The following SAMD5 variants were observed in gnomAD, a reference collection of about 807,000 sequenced individuals.
SAMD5 encodes sterile alpha motif domain containing 5.
Under a neutral mutation model 11.3 loss-of-function variants are expected in SAMD5, and 13 were observed. That is an observed-to-expected ratio of 1.15 (90% CI 0.75 to 1.83). The LOEUF (loss-of-function observed/expected upper bound fraction) is 1.83, where lower values mean the gene tolerates loss of function less well. SAMD5 is among the 40% of genes most tolerant of loss of function. SAMD5 has a pLI of 0.00. For synonymous variants in SAMD5, 129 were observed against 111.3 expected, an observed-to-expected ratio of 1.16 and a Z score of -1.00; for missense variants, 255 against 239.1, an observed-to-expected ratio of 1.07 and a Z score of -0.44.
At chr6:147,768,354 C>T in the SAMD5 span, among the ~76,000 whole-genome samples, 18 of 151,902 alleles carry the variant, frequency 1.2e-4, no homozygotes, top group African/African-American at 3.1e-4. Flanking sequence ...AAAAATTAGC[C>T]GGGCGTGGTA....
intron 1 of SAMD5, among the ~76,000 whole-genome samples, chr6:147,627,517 AT>A (rs1342401921): frequency 1.3e-5 from 2 of 152,156 alleles, no homozygotes; most frequent in African/African-American, 2.4e-5. Flanking sequence ...GCAATAAATT[AT>A]TTTTTGATTG....
At chr6:147,822,897 C>G in the SAMD5 span, among the ~76,000 whole-genome samples, 134 of 152,316 alleles carry the variant, frequency 8.8e-4, 3 homozygotes, top group Admixed American at 7.8e-3. Context: ...TCACCGCAAC[C>G]TCCACCTCCT....
intron 1 of SAMD5, among the ~76,000 whole-genome samples, chr6:147,510,486 A>G (rs969913800): frequency 6.6e-6 from 1 of 152,208 alleles, no homozygotes; most frequent in Non-Finnish European, 1.5e-5. Context: ...GATGGCAAAC[A>G]TACTCAGCTG....
chr6:147,935,542 A>G, the SAMD5 span, among the ~76,000 whole-genome samples: 1 of 152,178 alleles, frequency 6.6e-6, no homozygotes, highest in African/African-American at 2.4e-5. Flanking sequence ...CATCATACGA[A>G]TTGGCCTCTT....
At chr6:147,590,633 G>A (rs566608141) in intron 1 of SAMD5, among the ~76,000 whole-genome samples, 2 of 152,166 alleles carry the variant, frequency 1.3e-5, no homozygotes, top group Non-Finnish European at 2.9e-5. Context: ...GGCTGGTCTC[G>A]AACTCCTGAG....
chr6:147,718,312 T>C (rs1791496295), intron 1 of SAMD5, among the ~76,000 whole-genome samples: 1 of 152,178 alleles, frequency 6.6e-6, no homozygotes, highest in Admixed American at 6.5e-5. Context: ...AAAAACCGCC[T>C]AAATCACACA....
At chr6:147,928,705 A>G in the SAMD5 span, among the ~76,000 whole-genome samples, 3 of 151,688 alleles carry the variant, frequency 2.0e-5, no homozygotes, top group Non-Finnish European at 4.4e-5. Flanking sequence ...TTCTGCTAGC[A>G]TTGGGCTTGG....
intron 1 of SAMD5, among the ~76,000 whole-genome samples, chr6:147,607,939 A>G (rs537641236): frequency 1.3e-5 from 2 of 152,250 alleles, no homozygotes; most frequent in Admixed American, 1.3e-4. Context: ...ACTCTGTAGG[A>G]AAAAAAATCT....
At chr6:147,666,430 C>T (rs771845040) in intron 1 of SAMD5, among the ~76,000 whole-genome samples, 12 of 152,142 alleles carry the variant, frequency 7.9e-5, no homozygotes, top group Non-Finnish European at 1.6e-4. Flanking sequence ...GAACAGTGTG[C>T]GTCCTCCAGC....
the SAMD5 span, among the ~76,000 whole-genome samples, chr6:147,934,477 G>T: frequency 5.9e-5 from 9 of 152,250 alleles, no homozygotes; most frequent in African/African-American, 2.2e-4. Context: ...TGTGTCAGGT[G>T]AGACACAATG....
At chr6:147,663,554 G>A (rs1325770107) in intron 1 of SAMD5, among the ~76,000 whole-genome samples, 1 of 152,050 alleles carries the variant, frequency 6.6e-6, no homozygotes, top group African/African-American at 2.4e-5. Context: ...GGCCGAGGAG[G>A]TGGGTGGATC....
chr6:147,846,651 C>A, the SAMD5 span, among the ~76,000 whole-genome samples: 3 of 152,286 alleles, frequency 2.0e-5, no homozygotes, highest in South Asian at 6.2e-4. Context: ...GAAACCCAGT[C>A]TCTACTAAAA....
the SAMD5 span, among the ~76,000 whole-genome samples, chr6:147,824,542 A>G: frequency 6.6e-6 from 1 of 152,194 alleles, no homozygotes; most frequent in Non-Finnish European, 1.5e-5. Flanking sequence ...CTCCCAGTGC[A>G]TTTAAATGTT....
At chr6:147,679,328 C>T (rs1333739155) in intron 1 of SAMD5, among the ~76,000 whole-genome samples, 1 of 152,074 alleles carries the variant, frequency 6.6e-6, no homozygotes, top group Non-Finnish European at 1.5e-5. Flanking sequence ...GATGGCCAGA[C>T]TTTTTCATTT....
At chr6:147,703,531 C>G (rs1047254122) in intron 1 of SAMD5, among the ~76,000 whole-genome samples, 7 of 152,198 alleles carry the variant, frequency 4.6e-5, no homozygotes, top group African/African-American at 1.7e-4. Context: ...TGCAAAACCT[C>G]AAAGAATGGA....
At chr6:147,889,560 T>G in the SAMD5 span, among the ~76,000 whole-genome samples, 1 of 152,246 alleles carries the variant, frequency 6.6e-6, no homozygotes, top group South Asian at 2.1e-4. Context: ...CCTTATTGGT[T>G]GCTGGATATT....
intron 1 of SAMD5, among the ~76,000 whole-genome samples, chr6:147,590,232 G>A (rs919844339): frequency 6.6e-6 from 1 of 152,124 alleles, no homozygotes; most frequent in African/African-American, 2.4e-5. Context: ...TTTTGCAGGA[G>A]AGAGAGATTG....
At chr6:147,868,712 G>A in the SAMD5 span, among the ~76,000 whole-genome samples, 1 of 152,124 alleles carries the variant, frequency 6.6e-6, no homozygotes, top group Non-Finnish European at 1.5e-5. Context: ...AATTTTCATG[G>A]TTTTAAAAAG....
intron 1 of SAMD5, among the ~76,000 whole-genome samples, chr6:147,672,645 T>C (rs1790810611): frequency 3.3e-5 from 5 of 152,084 alleles, no homozygotes; most frequent in Admixed American, 2.6e-4. Context: ...CTCCTTATAA[T>C]AGCCCCCCAC....
Sources: allele counts gnomAD v4.1 joint callset (sites outside exome capture counted in the v4.1 genomes callset), GRCh38; gene constraint gnomAD v4.1.1; transcripts MANE v1.5; gene names NCBI Gene and HGNC (gene_info 2026-07-23, HGNC 2026-07-21).